The following NET1 variants were observed in gnomAD, a reference collection of about 807,000 sequenced individuals.
NET1 encodes the protein neuroepithelial cell-transforming gene 1 protein.
In NET1, 42 loss-of-function variants were observed where a neutral mutation model predicts 61.1. The observed-to-expected ratio is 0.69, with a 90% CI of 0.54 to 0.89. The LOEUF (loss-of-function observed/expected upper bound fraction) is 0.89. Among genes scored for constraint, NET1 ranks in the 40% least tolerant of loss-of-function variants. The probability of loss-of-function intolerance (pLI) is 0.00; values close to 1 mark genes in which losing one functional copy is unlikely to be tolerated. For synonymous variants in NET1, 254 were observed against 281.8 expected (o/e 0.90, Z 0.99); for missense variants, 654 against 747.3 (o/e 0.88, Z 1.46).
chr10:5,425,514 G>T (rs920708553), intron 1 of NET1, among the ~76,000 whole-genome samples: 2 of 152,132 alleles, frequency 1.3e-5, no homozygotes, highest in Non-Finnish European at 2.9e-5. Context: ...ATTAATAACT[G>T]CCAGCTTCCT....
chr10:5,412,808 A>G lies in NET1; in HGVS notation c.116A>G (p.Glu39Gly). 7.0e-7 allele frequency: 1 copy of G among 1,422,216 alleles called. No individual in the cohort carries two copies. The highest frequency in any genetic ancestry group is 3.1e-5 in the Admixed American group (1 of 32,490). 88.1% of individuals were successfully genotyped at this position (1,422,216 alleles called of 1,614,324 possible). ...TGPSADTSGS[E>G]LDGRCSLRRG... ...CCTTCGGCCGACACCTCCGGGTCGGAGCTGGACGGGAGGTGAGTGTGGGGG... is the reference window on the plus strand; with the variant it reads ...CCTTCGGCCGACACCTCCGGGTCGGGGCTGGACGGGAGGTGAGTGTGGGGG... Residue 39 changes from glutamate (E) to glycine (G), a missense_variant, in exon 1 of 12, where the codon GAG becomes GGG. Coordinates refer to ENST00000355029, the MANE Select transcript of NET1 (RefSeq NM_001047160.3). This position sits in a 1 kb window ranked among gnomAD's most constrained non-coding sequence, Gnocchi z 6.5.
rs1297880327 is a variant in NET1 at position 5,416,373 on chromosome 10, A to C, written c.128+3553A>C. ...TTTTTTTCCCAAGATTGTTGTGGCT[A>C]TCCTGGGTCTCCTGCAATTCTATGT... On this transcript the variant is annotated intron_variant, in intron 1 of 11. Transcript: ENST00000355029. The surrounding 1 kb of genome is among the most constrained non-coding windows in gnomAD (Gnocchi z 6.1). Among the ~76,000 whole-genome samples, 3 of 152,142 alleles carry C rather than the reference A, an allele frequency of 2.0e-5. No individual in the cohort carries two copies. Among genetic ancestry groups the C allele is most frequent in the Admixed American group, 6.5e-5 (1 of 15,276 alleles).
chr10:5,425,304 A>G (rs1050613147), intron 1 of NET1, among the ~76,000 whole-genome samples: 1 of 152,166 alleles, frequency 6.6e-6, no homozygotes, highest in Non-Finnish European at 1.5e-5. Context: ...CTTCATATTT[A>G]GCTTAGAAAA....
Position 5,453,131 on chromosome 10 carries a change from T to C in NET1, c.595-119T>C, listed in dbSNP as rs528525175. 26 of 754,052 alleles carry C rather than the reference T, an allele frequency of 3.4e-5. No homozygotes were observed. In the Admixed American group the frequency reaches 3.8e-4, roughly 11 times the overall value. The allele number at this position is 754,052 out of a possible 1,614,324, so 46.7% of individuals were successfully genotyped here. ...GATTAATACATACTAATTTATTTTATGTGTAGCAAACAGAATCCACGCTAG... is the reference window on the plus strand; with the variant it reads ...GATTAATACATACTAATTTATTTTACGTGTAGCAAACAGAATCCACGCTAG... On this transcript the variant is annotated intron_variant, in intron 6 of 11. Coordinates refer to ENST00000355029, the MANE Select transcript of NET1 (RefSeq NM_001047160.3). This position sits in a 1 kb window ranked among gnomAD's most constrained non-coding sequence, Gnocchi z 4.9.
rs1832516783 is a variant in NET1 at position 5,440,970 on chromosome 10, G to C, written c.256-10860G>C. 6.6e-6 allele frequency among the ~76,000 whole-genome samples: 1 copy of C among 152,180 alleles called. No individual in the cohort carries two copies. The highest frequency in any genetic ancestry group is 2.4e-5 in the African/African-American group (1 of 41,440). ...CTGGGTTCTCCCTCCAGAAATCAGA[G>C]CCTAAAACGAGGACTCATTGACAGG... On this transcript the variant is annotated intron_variant, in intron 3 of 11. Transcript: ENST00000355029. The surrounding 1 kb of genome is among the most constrained non-coding windows in gnomAD (Gnocchi z 4.1).
chr10:5,440,779 G>C lies in NET1; in HGVS notation c.256-11051G>C, dbSNP rs1832513156. On this transcript the variant is annotated intron_variant, in intron 3 of 11. Coordinates refer to ENST00000355029, the MANE Select transcript of NET1 (RefSeq NM_001047160.3). This position sits in a 1 kb window ranked among gnomAD's most constrained non-coding sequence, Gnocchi z 4.1. Reference sequence around the variant, plus strand: ...TTACAATTACCACTGCCCCTCTCTTGTTCATTTGCCACCACTACTATGTAA... The same window carrying C: ...TTACAATTACCACTGCCCCTCTCTTCTTCATTTGCCACCACTACTATGTAA... Among the ~76,000 whole-genome samples the C allele has an allele frequency of 6.6e-6, 1 of 152,158 alleles. No homozygotes were observed. Among genetic ancestry groups the C allele is most frequent in the South Asian group, 2.1e-4 (1 of 4,832 alleles).
At position 5,453,781 on chromosome 10, in the gene NET1, G is replaced by A. The variant is rs931511573; in HGVS notation, c.768+221G>A. Among the ~76,000 whole-genome samples, 7 of 151,368 alleles carry A rather than the reference G, an allele frequency of 4.6e-5. No individual in the cohort carries two copies. The highest frequency in any genetic ancestry group is 6.6e-5 in the Admixed American group (1 of 15,196). On this transcript the variant is annotated intron_variant, in intron 8 of 11. Coordinates refer to ENST00000355029, the MANE Select transcript of NET1 (RefSeq NM_001047160.3). This position sits in a 1 kb window ranked among gnomAD's most constrained non-coding sequence, Gnocchi z 4.9. ...ATAGGTTCATTTGTGTTACAAATACGTTCCTGCTTGGATAGAATTCCCACA... is the reference window on the plus strand; with the variant it reads ...ATAGGTTCATTTGTGTTACAAATACATTCCTGCTTGGATAGAATTCCCACA...
At chr10:5,448,314 G>A (rs892898477) in intron 3 of NET1, among the ~76,000 whole-genome samples, 2 of 152,130 alleles carry the variant, frequency 1.3e-5, no homozygotes, top group Non-Finnish European at 2.9e-5. Context: ...TTTCCATGTC[G>A]TTGCAGTTAG....
At position 5,457,445 on chromosome 10, in the gene NET1, G is replaced by T; in HGVS notation, c.*451G>T. On this transcript the variant is annotated 3_prime_UTR_variant, in exon 12 of 12. Transcript: ENST00000355029. The surrounding 1 kb of genome is among the most constrained non-coding windows in gnomAD (Gnocchi z 5.4). ...CACCCAAAACCTACATGGAATGTAT[G>T]TCTGGAGTATTTCAAACTTTACATT... 6.5e-6 allele frequency: 1 copy of T among 152,912 alleles called. No individual in the cohort carries two copies. The highest frequency in any genetic ancestry group is 1.9e-4 in the East Asian group (1 of 5,200). 9.5% of individuals were successfully genotyped at this position (152,912 alleles called of 1,614,324 possible).
At chr10:5,413,308 C>A (rs1215916514) in intron 1 of NET1, among the ~76,000 whole-genome samples, 1 of 152,200 alleles carries the variant, frequency 6.6e-6, no homozygotes, top group East Asian at 1.9e-4. Flanking sequence ...TGGTGAGCAC[C>A]ACGAGAATGG....
Position 5,456,134 on chromosome 10 carries a change from C to T in NET1, c.1245C>T (p.Pro415=), listed in dbSNP as rs138136137. 1.9e-5 allele frequency: 30 copies of T among 1,613,956 alleles called. No homozygotes were observed. The highest frequency in any genetic ancestry group is 2.7e-5 in the African/African-American group (2 of 74,896). ...LFQDILVLTR[P]VTRNERHSYQ... is the part of the protein sequence containing the mutation. Reference sequence around the variant, plus strand: ...AAGACATCTTGGTTCTGACTCGGCCCGTCACACGGAACGAACGGCACTCTT... The same window carrying T: ...AAGACATCTTGGTTCTGACTCGGCCTGTCACACGGAACGAACGGCACTCTT... The change falls in exon 11 of 12, where the codon CCC becomes CCT. Residue 415 remains proline, a synonymous_variant. Transcript: ENST00000355029. This position sits in a 1 kb window ranked among gnomAD's most constrained non-coding sequence, Gnocchi z 7.0.
At position 5,415,967 on chromosome 10, in the gene NET1, A is replaced by G. The variant is rs578094350; in HGVS notation, c.128+3147A>G. ...GTGTCACATCCAAGAAATCACTGCT[A>G]AATCCATTGTTATGAATCCTTTCCC... On this transcript the variant is annotated intron_variant, in intron 1 of 11. Transcript: ENST00000355029. This position sits in a 1 kb window ranked among gnomAD's most constrained non-coding sequence, Gnocchi z 4.7. 1.2e-3 allele frequency among the ~76,000 whole-genome samples: 179 copies of G among 152,216 alleles called. No homozygotes were observed. The highest frequency in any genetic ancestry group is 2.3e-3 in the Non-Finnish European group (155 of 68,036).
In NET1 at chr10:5,437,276, A is replaced by G. The variant is rs1449173695; in HGVS notation, c.255+8047A>G. Among the ~76,000 whole-genome samples the G allele has an allele frequency of 2.0e-5, 3 of 152,038 alleles. No individual in the cohort carries two copies. Among genetic ancestry groups the G allele is most frequent in the African/African-American group, 7.2e-5 (3 of 41,388 alleles). ...TATGTGTAATGACTACAGATATATG[A>G]TTATCCTGTATATATGCTATAGCTT... is the stretch of plus-strand genomic sequence containing the variant. On this transcript the variant is annotated intron_variant, in intron 3 of 11. Transcript: ENST00000355029. This position sits in a 1 kb window ranked among gnomAD's most constrained non-coding sequence, Gnocchi z 4.3.
chr10:5,446,637 G>T lies in NET1; in HGVS notation c.256-5193G>T. ...AGCCTCTGCTCCACCGCGGCGAGAGGCATGGGCACGTGGCTGCCGAGGGTG... is the reference window on the plus strand; with the variant it reads ...AGCCTCTGCTCCACCGCGGCGAGAGTCATGGGCACGTGGCTGCCGAGGGTG... On this transcript the variant is annotated intron_variant, in intron 3 of 11. Coordinates refer to ENST00000355029, the MANE Select transcript of NET1 (RefSeq NM_001047160.3). The surrounding 1 kb of genome is among the most constrained non-coding windows in gnomAD (Gnocchi z 5.0). 7.8e-7 allele frequency: 1 copy of T among 1,290,174 alleles called. No homozygotes were observed. Among genetic ancestry groups the T allele is most frequent in the Admixed American group, 3.2e-5 (1 of 30,932 alleles). The allele number at this position is 1,290,174 out of a possible 1,614,324, so 79.9% of individuals were successfully genotyped here.
rs1353576364 is a variant in NET1 at position 5,456,739 on chromosome 10, G to A, written c.1536G>A (p.Leu512=). The change falls in exon 12 of 12, where the codon CTG becomes CTA. Residue 512 remains leucine (L), a synonymous_variant. Coordinates refer to ENST00000355029, the MANE Select transcript of NET1 (RefSeq NM_001047160.3). The surrounding 1 kb of genome is among the most constrained non-coding windows in gnomAD (Gnocchi z 7.0). ...AGTCGGCAGGCAGTCCACCTGAGCT[G>A]CAGGGCCTGCCGGAGCTGCACGAAG... ...PFQSAGSPPE[L]QGLPELHEEC... is the part of the protein sequence containing the mutation. 3.7e-6 allele frequency: 6 copies of A among 1,614,022 alleles called. No homozygotes were observed. Among genetic ancestry groups the A allele is most frequent in the Non-Finnish European group, 5.1e-6 (6 of 1,180,018 alleles).
chr10:5,416,001 T>G lies in NET1; in HGVS notation c.128+3181T>G, dbSNP rs199770286. 6.6e-6 allele frequency among the ~76,000 whole-genome samples: 1 copy of G among 152,228 alleles called. No individual in the cohort carries two copies. The highest frequency in any genetic ancestry group is 1.9e-4 in the East Asian group (1 of 5,198). On this transcript the variant is annotated intron_variant, in intron 1 of 11. Coordinates refer to ENST00000355029, the MANE Select transcript of NET1 (RefSeq NM_001047160.3). This position sits in a 1 kb window ranked among gnomAD's most constrained non-coding sequence, Gnocchi z 6.1. ...GTTATGAATCCTTTCCCCAGTGCTT[T>G]CTTCTGAGAATTTTATCATTTTAGC... is the stretch of plus-strand genomic sequence containing the variant.
At chr10:5,434,617 T>C (rs1308583071) in intron 3 of NET1, among the ~76,000 whole-genome samples, 1 of 152,044 alleles carries the variant, frequency 6.6e-6, no homozygotes, top group Non-Finnish European at 1.5e-5. Flanking sequence ...CTCATAACTG[T>C]CTGGTTTGTC....
At chr10:5,429,485 G>A (rs984094437) in intron 3 of NET1, among the ~76,000 whole-genome samples, 1 of 152,188 alleles carries the variant, frequency 6.6e-6, no homozygotes, top group South Asian at 2.1e-4. Flanking sequence ...CAAATGCTAA[G>A]GAGACAGGCT....
rs548508163 is a variant in NET1 at position 5,415,327 on chromosome 10, C to T, written c.128+2507C>T. ...TTTAGCTATTGTTCCTCTCCTACCC[C>T]TTCTGCCCTAAAACCTAATCTGTCG... On this transcript the variant is annotated intron_variant, in intron 1 of 11. Transcript: ENST00000355029. The surrounding 1 kb of genome is among the most constrained non-coding windows in gnomAD (Gnocchi z 4.7). Among the ~76,000 whole-genome samples the T allele has an allele frequency of 9.2e-5, 14 of 152,318 alleles. No individual in the cohort carries two copies. Among genetic ancestry groups the T allele is most frequent in the Admixed American group, 2.0e-4 (3 of 15,304 alleles).
Sources: gnomAD v4.1 joint callset for allele counts (sites outside exome capture counted in the v4.1 genomes callset) on GRCh38, gnomAD v4.1.1 for gene constraint, Gnocchi (gnomAD v3.1) non-coding constraint, MANE v1.5 for transcripts, NCBI Gene and HGNC (gene_info 2026-07-23, HGNC 2026-07-21) for gene names.